The following CHRM3 variants were observed in gnomAD, a reference collection of about 807,000 sequenced individuals.
The protein encoded by CHRM3 is muscarinic acetylcholine receptor M3.
CHRM3 carries 11 observed loss-of-function variants against 41.8 expected under a neutral mutation model. That is an observed-to-expected ratio of 0.26 (90% CI 0.17 to 0.44). CHRM3 has a LOEUF of 0.44. CHRM3 is among the 20% of genes least tolerant of loss of function. CHRM3 has a pLI of 1.00. For missense variants in CHRM3, 571 were observed against 745.4 expected (o/e 0.77, Z 2.72); for synonymous variants, 297 against 301.4 (o/e 0.99, Z 0.15).
chr1:239,411,107 A>G (rs1367087198), intron 1 of CHRM3, among the ~76,000 whole-genome samples: 2 of 152,206 alleles, frequency 1.3e-5, no homozygotes, highest in Non-Finnish European at 2.9e-5. Flanking sequence ...GTAATGCTTT[A>G]GTGTTGGCTC....
At chr1:239,848,116 A>G (rs1674419639) in intron 6 of CHRM3, among the ~76,000 whole-genome samples, 1 of 152,184 alleles carries the variant, frequency 6.6e-6, no homozygotes, top group African/African-American at 2.4e-5. Context: ...TAATTATAAT[A>G]GATATATCCA....
intron 6 of CHRM3, among the ~76,000 whole-genome samples, chr1:239,866,716 G>T (rs2149299906): frequency 6.6e-6 from 1 of 152,330 alleles, no homozygotes; most frequent in South Asian, 2.1e-4. Flanking sequence ...TTCAGCCAAT[G>T]TTATGAATCA....
rs573055040 is a variant in CHRM3 at position 239,400,666 on chromosome 1, T to C, written c.-521+13439T>C. On this transcript the variant is annotated intron_variant, in intron 1 of 6. Transcript: ENST00000676153. ...TAAGATCCAATTTCATTCTTCTGCA[T>C]GTGGATATCCAGTTCTCCCAAGTGC... is the stretch of plus-strand genomic sequence containing the variant. Among the ~76,000 whole-genome samples the C allele has an allele frequency of 8.5e-5, 13 of 152,336 alleles. No homozygotes were observed. In the South Asian group the frequency reaches 2.3e-3, roughly 27 times the overall value.
At chr1:239,870,578 T>C (rs903904688) in intron 6 of CHRM3, among the ~76,000 whole-genome samples, 16 of 152,222 alleles carry the variant, frequency 1.1e-4, no homozygotes, top group Admixed American at 1.3e-4. Flanking sequence ...TATTGTTCAT[T>C]CCTTTGTTCT....
chr1:239,435,431 A>C (rs1018933383), intron 1 of CHRM3, among the ~76,000 whole-genome samples: 2 of 151,472 alleles, frequency 1.3e-5, no homozygotes, highest in Admixed American at 1.3e-4. Context: ...CCTGGGCGAC[A>C]GAGCGAGACT....
Position 239,539,486 on chromosome 1 carries a change from C to T in CHRM3, c.-421-6155C>T, listed in dbSNP as rs1658530314. Among the ~76,000 whole-genome samples the T allele has an allele frequency of 2.7e-5, 4 of 147,672 alleles. No individual in the cohort carries two copies. In the Admixed American group the frequency reaches 2.8e-4, roughly 10 times the overall value. On this transcript the variant is annotated intron_variant, in intron 2 of 6. Coordinates refer to ENST00000676153, the MANE Select transcript of CHRM3 (RefSeq NM_001375978.1). ...ACCCTTTTGCAGCAATTACTTTTGT[C>T]ACTATTGCTATTATGGTTCTGCTAA...
chr1:239,410,418 G>C (rs954598884), intron 1 of CHRM3, among the ~76,000 whole-genome samples: 3 of 152,100 alleles, frequency 2.0e-5, no homozygotes, highest in Non-Finnish European at 4.4e-5. Flanking sequence ...TGGCCGCCTA[G>C]AGAGTCAGAA....
intron 5 of CHRM3, among the ~76,000 whole-genome samples, chr1:239,778,078 C>T (rs550358467): frequency 2.6e-5 from 4 of 152,092 alleles, no homozygotes; most frequent in South Asian, 4.2e-4. Context: ...ATCCATGTAA[C>T]CAAAAACCAC....
intron 5 of CHRM3, among the ~76,000 whole-genome samples, chr1:239,789,735 C>G (rs1483202993): frequency 6.6e-6 from 1 of 152,168 alleles, no homozygotes; most frequent in East Asian, 1.9e-4. Context: ...ACCCCTATGA[C>G]CCAACCACCT....
chr1:239,859,541 G>A (rs1675432594), intron 6 of CHRM3, among the ~76,000 whole-genome samples: 1 of 150,392 alleles, frequency 6.6e-6, no homozygotes, highest in South Asian at 2.1e-4. Context: ...CAGCCTCCCA[G>A]GTAGCTGGGA....
At chr1:239,614,615 G>A (rs559810458) in intron 3 of CHRM3, among the ~76,000 whole-genome samples, 3 of 152,208 alleles carry the variant, frequency 2.0e-5, no homozygotes, top group Admixed American at 6.5e-5. Context: ...GAATTTTCAC[G>A]CTTATTTACC....
intron 6 of CHRM3, among the ~76,000 whole-genome samples, chr1:239,877,037 A>T (rs1030150544): frequency 6.6e-6 from 1 of 152,202 alleles, no homozygotes; most frequent in African/African-American, 2.4e-5. Flanking sequence ...GTTAGAAAAG[A>T]CTTACAGAAA....
At chr1:239,848,959 T>A (rs748056869) in intron 6 of CHRM3, among the ~76,000 whole-genome samples, 22 of 152,188 alleles carry the variant, frequency 1.4e-4, no homozygotes, top group Non-Finnish European at 2.8e-4. Context: ...CAGCAAACTA[T>A]AGCTACAGTA....
chr1:239,895,339 G>C (rs1285921655), intron 6 of CHRM3, among the ~76,000 whole-genome samples: 1 of 152,160 alleles, frequency 6.6e-6, no homozygotes, highest in East Asian at 1.9e-4. Flanking sequence ...CCTCCTTCCA[G>C]CTGCCTCTGC....
intron 1 of CHRM3, among the ~76,000 whole-genome samples, chr1:239,416,622 A>T (rs776395721): frequency 3.9e-5 from 6 of 152,168 alleles, no homozygotes; most frequent in Admixed American, 6.5e-5. Flanking sequence ...ACTAATGTTT[A>T]TGTCAAGAGG....
intron 1 of CHRM3, among the ~76,000 whole-genome samples, chr1:239,402,900 T>C (rs1026315667): frequency 6.6e-6 from 1 of 152,188 alleles, no homozygotes; most frequent in African/African-American, 2.4e-5. Flanking sequence ...GGATTCAACA[T>C]AGTACTGAGC....
chr1:239,713,918 T>C (rs887136523), intron 5 of CHRM3, among the ~76,000 whole-genome samples: 3 of 152,208 alleles, frequency 2.0e-5, no homozygotes, highest in African/African-American at 7.2e-5. Flanking sequence ...TGTACCTCTT[T>C]AAGGTTTTAA....
intron 5 of CHRM3, among the ~76,000 whole-genome samples, chr1:239,813,916 C>CAAAAAAAAAAAAAAAAA (rs67147618): frequency 1.7e-3 from 175 of 103,184 alleles, no homozygotes; most frequent in African/African-American, 8.6e-3. Context: ...GACTCCGTCT[C>CAAAAAAAAAAAAAAAAA]AAAAAAAAAA....
At chr1:239,398,369 G>A (rs543421847) in intron 1 of CHRM3, among the ~76,000 whole-genome samples, 33 of 152,246 alleles carry the variant, frequency 2.2e-4, no homozygotes, top group Non-Finnish European at 3.4e-4. Flanking sequence ...CCAAGTAGCT[G>A]GGATTACAGG....
Sources: gnomAD v4.1 joint callset for allele counts (sites outside exome capture counted in the v4.1 genomes callset) on GRCh38, gnomAD v4.1.1 for gene constraint, MANE v1.5 for transcripts, NCBI Gene and HGNC (gene_info 2026-07-23, HGNC 2026-07-21) for gene names.